Variants in CTIF observed in about 807,000 individuals in gnomAD.
CTIF encodes cap binding complex dependent translation initiation factor, also known as CBP80/20-dependent translation initiation factor.
Under a neutral mutation model 66.0 loss-of-function variants are expected in CTIF, and 21 were observed. The observed-to-expected ratio is 0.32, with a 90% CI of 0.23 to 0.46. CTIF has a LOEUF of 0.46. CTIF is among the 20% of genes least tolerant of loss of function. CTIF has a pLI of 1.00. For missense variants in CTIF, 739 were observed against 812.7 expected (o/e 0.91, Z 1.10); for synonymous variants, 345 against 326.4 (o/e 1.06, Z -0.62).
At chr18:48,590,740 C>A (rs2089870268) in intron 1 of CTIF, among the ~76,000 whole-genome samples, 1 of 152,212 alleles carries the variant, frequency 6.6e-6, no homozygotes, top group Admixed American at 6.5e-5. Context: ...AGCAGACATC[C>A]ATTTCGGATG....
At chr18:48,834,365 A>T (rs1370648448) in intron 10 of CTIF, among the ~76,000 whole-genome samples, 2 of 152,132 alleles carry the variant, frequency 1.3e-5, no homozygotes, top group Non-Finnish European at 2.9e-5. Flanking sequence ...ATATTCTTTG[A>T]TTTTTTTCCC....
intron 1 of CTIF, among the ~76,000 whole-genome samples, chr18:48,544,095 A>G (rs1441077026): frequency 6.6e-6 from 1 of 152,354 alleles, no homozygotes; most frequent in East Asian, 1.9e-4. Context: ...TTCTAGGAAG[A>G]GAATCTACAG....
chr18:48,745,484 TC>T (rs2145779085), intron 7 of CTIF, among the ~76,000 whole-genome samples: 1 of 152,360 alleles, frequency 6.6e-6, no homozygotes, highest in Non-Finnish European at 1.5e-5. Flanking sequence ...TCCACTGACT[TC>T]CATTGATGAT....
intron 2 of CTIF, among the ~76,000 whole-genome samples, chr18:48,626,655 T>G (rs11659403): frequency 3.9e-5 from 5 of 129,504 alleles, no homozygotes; most frequent in East Asian, 2.0e-4. Context: ...GTTTTTTTTT[T>G]GTTTTTTTTT....
At chr18:48,547,580 A>G (rs1226755079) in intron 1 of CTIF, among the ~76,000 whole-genome samples, 1 of 152,162 alleles carries the variant, frequency 6.6e-6, no homozygotes, top group Admixed American at 6.5e-5. Context: ...CCCTTATGTT[A>G]TAGCTGGAAA....
chr18:48,762,885 C>T (rs1039013029), intron 9 of CTIF, among the ~76,000 whole-genome samples: 18 of 152,222 alleles, frequency 1.2e-4, no homozygotes, highest in African/African-American at 2.7e-4. Context: ...GCTCCATCCC[C>T]ACCCACCCTC....
At chr18:48,782,445 T>A (rs1016270857) in intron 9 of CTIF, among the ~76,000 whole-genome samples, 3 of 152,168 alleles carry the variant, frequency 2.0e-5, no homozygotes, top group African/African-American at 7.2e-5. Context: ...CTCCCCATCC[T>A]GACCTGGAAA....
chr18:48,731,292 A>G (rs572077390), intron 7 of CTIF, among the ~76,000 whole-genome samples: 2 of 152,270 alleles, frequency 1.3e-5, no homozygotes, highest in South Asian at 4.1e-4. Flanking sequence ...GTGCAGCCTC[A>G]CCAGCAGCTG....
chr18:48,646,544 C>G (rs965706896), intron 3 of CTIF, among the ~76,000 whole-genome samples: 1 of 151,506 alleles, frequency 6.6e-6, no homozygotes, highest in Non-Finnish European at 1.5e-5. Flanking sequence ...GCCAGGAGTT[C>G]GAGACCAGCC....
rs935587474 is a variant in CTIF at position 48,681,397 on chromosome 18, T to A, written c.507+10653T>A. Among the ~76,000 whole-genome samples, 8 of 152,072 alleles carry A rather than the reference T, an allele frequency of 5.3e-5. No individual in the cohort carries two copies. The East Asian group carries it at 1.4e-3, about 26-fold the overall frequency. ...TCCCTGTCCTTTGCAAGGGGCTACC[T>A]CCAGAGTGGGGCCCCCAGCTGGATG... On this transcript the variant is annotated intron_variant, in intron 6 of 11. Transcript: ENST00000256413.
chr18:48,682,044 C>T (rs1179954251), intron 6 of CTIF, among the ~76,000 whole-genome samples: 4 of 151,972 alleles, frequency 2.6e-5, no homozygotes, highest in African/African-American at 4.8e-5. Context: ...CCTCGGCCTC[C>T]CAAAGTGCTG....
At chr18:48,559,706 C>T (rs1395278247) in intron 1 of CTIF, among the ~76,000 whole-genome samples, 1 of 152,144 alleles carries the variant, frequency 6.6e-6, no homozygotes, top group Non-Finnish European at 1.5e-5. Flanking sequence ...CAGGTTTCTC[C>T]ACAAGGCTGC....
At chr18:48,603,572 T>C (rs73443319) in intron 1 of CTIF, among the ~76,000 whole-genome samples, 6,823 of 126,464 alleles carry the variant, frequency 0.054, 532 homozygotes, top group African/African-American at 0.19. Context: ...AATGGGGGGG[T>C]GGATGGCTGG....
chr18:48,660,801 C>G (rs1044535240), intron 3 of CTIF, among the ~76,000 whole-genome samples: 3 of 152,248 alleles, frequency 2.0e-5, no homozygotes, highest in African/African-American at 7.2e-5. Context: ...ATGTGCCCAT[C>G]TGCACTGCCC....
chr18:48,826,696 G>C (rs1487234713), intron 10 of CTIF: 1 of 152,212 alleles, frequency 6.6e-6, no homozygotes, highest in Non-Finnish European at 1.5e-5. Context: ...ATCTGTCATG[G>C]AACCCCGGCT....
Position 48,616,259 on chromosome 18 carries a change from G to T in CTIF, c.-28-3279G>T, listed in dbSNP as rs77595265. ...TGTGTATTGACTTCTCCTGCAGGTGGCTCCTTTTCAGCCCTCTCTGGACAT... is the reference window on the plus strand; with the variant it reads ...TGTGTATTGACTTCTCCTGCAGGTGTCTCCTTTTCAGCCCTCTCTGGACAT... On this transcript the variant is annotated intron_variant, in intron 1 of 11. Transcript: ENST00000256413. 3.7e-3 allele frequency among the ~76,000 whole-genome samples: 568 copies of T among 152,338 alleles called. 1 individual carries two copies. The highest frequency in any genetic ancestry group is 0.012 in the African/African-American group (503 of 41,578).
At chr18:48,703,763 TCCA>T (rs556233431) in intron 6 of CTIF, among the ~76,000 whole-genome samples, 6 of 152,036 alleles carry the variant, frequency 3.9e-5, no homozygotes, top group African/African-American at 1.4e-4. Flanking sequence ...GGACTCCCCC[TCCA>T]CCACCACCAC....
chr18:48,740,011 G>A (rs2092540318), intron 7 of CTIF, among the ~76,000 whole-genome samples: 1 of 152,182 alleles, frequency 6.6e-6, no homozygotes, highest in Admixed American at 6.5e-5. Context: ...AAATATCAAT[G>A]CACATTGTCA....
intron 1 of CTIF, among the ~76,000 whole-genome samples, chr18:48,548,681 A>G (rs556132535): frequency 1.3e-5 from 2 of 152,366 alleles, no homozygotes; most frequent in Non-Finnish European, 2.9e-5. Flanking sequence ...GGATTCCGAG[A>G]AAGCACCCAG....
Sources: allele counts gnomAD v4.1 joint callset (sites outside exome capture counted in the v4.1 genomes callset), GRCh38; gene constraint gnomAD v4.1.1; transcripts MANE v1.5; gene names NCBI Gene and HGNC (gene_info 2026-07-23, HGNC 2026-07-21).